The following MTMR3 variants were observed in gnomAD, a reference collection of about 807,000 sequenced individuals.
MTMR3 encodes the protein myotubularin related protein 3.
MTMR3 carries 32 observed loss-of-function variants against 132.4 expected under a neutral mutation model. The ratio of observed to expected loss-of-function variants is 0.24; its 90% CI spans 0.18 to 0.32. The LOEUF (loss-of-function observed/expected upper bound fraction) is 0.32. Ranked by LOEUF, MTMR3 falls within the 10% of genes least tolerant of loss-of-function variation. The pLI is 1.00. For missense variants in MTMR3, 1,216 were observed against 1,489.6 expected, an observed-to-expected ratio of 0.82 and a Z score of 3.02; for synonymous variants, 556 against 550.3, an observed-to-expected ratio of 1.01 and a Z score of -0.14.
intron 5 of MTMR3, chr22:29,984,191 C>T (rs1213380948): frequency 6.6e-6 from 1 of 152,046 alleles, no homozygotes; most frequent in Non-Finnish European, 1.5e-5. Flanking sequence ...GATTTAGACT[C>T]ATTATTTTTA....
chr22:29,901,583 C>T (rs1471409163), intron 1 of MTMR3, among the ~76,000 whole-genome samples: 4 of 152,128 alleles, frequency 2.6e-5, no homozygotes, highest in Non-Finnish European at 5.9e-5. Context: ...TCCTCATGAC[C>T]CTTTCTATAG....
chr22:29,946,524 T>C (rs948507704), intron 1 of MTMR3, among the ~76,000 whole-genome samples: 4 of 152,194 alleles, frequency 2.6e-5, no homozygotes, highest in Admixed American at 2.6e-4. Flanking sequence ...TTCAGACTGT[T>C]AATGGATTAG....
At chr22:29,979,204 C>A in intron 5 of MTMR3, 152 bp downstream of exon 5, 1 of 585,356 alleles carries the variant, frequency 1.7e-6, no homozygotes. Context: ...TCAAGGAACA[C>A]TGGCTTGGCC....
rs934510318 is a variant in MTMR3, at chr22:30,027,259, G to C, written c.*1458G>C. 2 of 152,816 alleles carry C rather than the reference G, an allele frequency of 1.3e-5. No homozygotes were observed. Among genetic ancestry groups the C allele is most frequent in the African/African-American group, 4.8e-5 (2 of 41,446 alleles). 9.5% of individuals were successfully genotyped at this position (152,816 alleles called of 1,614,324 possible). ...ATGGTGAGGACTAGGGGTAAGGTCAGGGAATGCTTAAGCTCTGGCCCTGCC... is the reference window on the plus strand; with the variant it reads ...ATGGTGAGGACTAGGGGTAAGGTCACGGAATGCTTAAGCTCTGGCCCTGCC... On this transcript the variant is annotated 3_prime_UTR_variant, in exon 20 of 20. Coordinates refer to ENST00000401950, the MANE Select transcript of MTMR3 (RefSeq NM_021090.4).
intron 1 of MTMR3, among the ~76,000 whole-genome samples, chr22:29,952,882 C>T (rs141330974): frequency 1.3e-5 from 2 of 152,146 alleles, no homozygotes; most frequent in African/African-American, 2.4e-5. Flanking sequence ...CAACATGCTA[C>T]AGAATTCTAG....
At chr22:29,962,138 T>C (rs570339634) in intron 2 of MTMR3, among the ~76,000 whole-genome samples, 8 of 152,250 alleles carry the variant, frequency 5.3e-5, no homozygotes, top group African/African-American at 1.7e-4. Flanking sequence ...GATAGACTTA[T>C]GAAATAGTTA....
chr22:29,901,386 C>G (rs2065000157), intron 1 of MTMR3, among the ~76,000 whole-genome samples: 1 of 151,928 alleles, frequency 6.6e-6, no homozygotes, highest in African/African-American at 2.4e-5. Flanking sequence ...GTTTAGTGTT[C>G]TTGCTTCGGT....
At chr22:29,984,689 G>A (rs991292613) in intron 5 of MTMR3, 15 of 152,210 alleles carry the variant, frequency 9.9e-5, no homozygotes, top group African/African-American at 3.6e-4. Flanking sequence ...GTTGCTACAA[G>A]ACATTGAATC....
chr22:29,983,896 C>T (rs1262445606), intron 5 of MTMR3: 2 of 152,146 alleles, frequency 1.3e-5, no homozygotes, highest in African/African-American at 4.8e-5. Context: ...TTTGGCCTCC[C>T]AAAGTGCTGG....
At chr22:29,974,689 A>G (rs2066597700) in intron 3 of MTMR3, among the ~76,000 whole-genome samples, 1 of 152,198 alleles carries the variant, frequency 6.6e-6, no homozygotes, top group Admixed American at 6.5e-5. Flanking sequence ...CTGCTACATT[A>G]CTTCAGTTCT....
chr22:30,022,355 A>G (rs1275974164), intron 18 of MTMR3: 17 of 607,798 alleles, frequency 2.8e-5, no homozygotes, highest in Middle Eastern at 4.4e-4. Context: ...CATTGCCTCT[A>G]TGAACTGGAG....
chr22:29,885,099 G>C (rs1226460235), intron 1 of MTMR3, among the ~76,000 whole-genome samples: 1 of 152,150 alleles, frequency 6.6e-6, no homozygotes, highest in African/African-American at 2.4e-5. Context: ...AGGTTCTTCA[G>C]TGGTTGTCTA....
intron 3 of MTMR3, among the ~76,000 whole-genome samples, chr22:29,972,126 AC>A (rs2066548418): frequency 1.3e-5 from 2 of 152,220 alleles, no homozygotes; most frequent in African/African-American, 4.8e-5. Flanking sequence ...TTTATCTTAT[AC>A]CTAAACATTG....
chr22:30,025,759 T>G lies in MTMR3; in HGVS notation c.3555T>G (p.Ile1185Met). Reference sequence around the variant, plus strand: ...GCCTACATCCCACAAGCTCCAGCATTGACCTTGAACTGGATAAGCCCATTG... The same window carrying G: ...GCCTACATCCCACAAGCTCCAGCATGGACCTTGAACTGGATAAGCCCATTG... The part of the protein sequence containing the change: ...YSSLHPTSSS[I>M]DLELDKPIAA... The change falls in exon 20 of 20, where the codon ATT becomes ATG. Residue 1185 changes from isoleucine (I) to methionine (M), a missense_variant. Physicochemically the swap from Ile to Met is conservative, Grantham distance 10 (BLOSUM62 1). Transcript: ENST00000401950. The G allele has an allele frequency of 6.2e-7, 1 of 1,614,168 alleles. No individual in the cohort carries two copies. Among genetic ancestry groups the G allele is most frequent in the Non-Finnish European group, 8.5e-7 (1 of 1,180,040 alleles).
At chr22:29,943,255 C>T (rs1392744184) in intron 1 of MTMR3, among the ~76,000 whole-genome samples, 3 of 151,698 alleles carry the variant, frequency 2.0e-5, no homozygotes, top group African/African-American at 7.3e-5. Context: ...TGCAGTGGCG[C>T]CATCTCGGCT....
At chr22:29,888,768 C>CT (rs3049983) in intron 1 of MTMR3, among the ~76,000 whole-genome samples, 23,896 of 101,456 alleles carry the variant, frequency 0.24, 3,137 homozygotes, top group South Asian at 0.38. Flanking sequence ...TTAGTTAATA[C>CT]TTTTTTTTTT....
chr22:29,986,675 G>GT (rs1341726487), intron 5 of MTMR3: 1 of 694,200 alleles, frequency 1.4e-6, no homozygotes, highest in Non-Finnish European at 1.8e-6. Context: ...TTTTTTTTTT[G>GT]TTTTTGAGAT....
intron 2 of MTMR3, among the ~76,000 whole-genome samples, chr22:29,968,392 A>G (rs374580195): frequency 6.6e-6 from 1 of 152,326 alleles, no homozygotes; most frequent in East Asian, 1.9e-4. Context: ...CTAAAACACA[A>G]ATATCTTTTG....
chr22:29,921,083 A>G (rs1346819916), intron 1 of MTMR3, among the ~76,000 whole-genome samples: 1 of 152,044 alleles, frequency 6.6e-6, no homozygotes, highest in East Asian at 1.9e-4. Context: ...GTGAAGGAAT[A>G]CCCAAGGCTG....
Sources: allele counts gnomAD v4.1 joint callset (sites outside exome capture counted in the v4.1 genomes callset), GRCh38; gene constraint gnomAD v4.1.1; transcripts MANE v1.5; gene names NCBI Gene and HGNC (gene_info 2026-07-23, HGNC 2026-07-21).